Variants in SAYSD1 observed in about 807,000 individuals in gnomAD.
SAYSD1 encodes SAYSVFN motif domain containing 1, also known as SAYSvFN domain-containing protein 1.
A neutral mutation model predicts 14.5 loss-of-function variants in SAYSD1; 15 were observed. That is an observed-to-expected ratio of 1.03 (90% CI 0.69 to 1.59). The LOEUF is 1.59. Among genes scored for constraint, SAYSD1 ranks in the 40% most tolerant of loss-of-function variants. The pLI, the probability that SAYSD1 is intolerant of heterozygous loss-of-function variation, is 0.00. For synonymous variants in SAYSD1, 105 were observed against 102.6 expected, an observed-to-expected ratio of 1.02 and a Z score of -0.14; for missense variants, 247 against 227.3, an observed-to-expected ratio of 1.09 and a Z score of -0.56.
rs562214094 is a variant in SAYSD1, at chr6:39,105,688, G to A, written c.296C>T (p.Thr99Ile). ...AAGAACCTTCAAGAAGGTGATATTG[G>A]TCAGGAAAGACTGGTCCCAGCACGA... Reference protein sequence around the residue: ...LPSCWDQSFLTNITFLKVLLW... With the variant: ...LPSCWDQSFLINITFLKVLLW... Residue 99 changes from threonine to isoleucine, a missense_variant, in exon 2 of 2, where the codon ACC (threonine) becomes ATC (isoleucine). By Grantham distance (89) the Thr-to-Ile change is moderately conservative. Transcript: ENST00000229903. The A allele has an allele frequency of 6.8e-6, 11 of 1,614,190 alleles. No homozygotes were observed. In the African/African-American group the frequency reaches 1.2e-4, roughly 18 times the overall value.
At chr6:39,110,672 T>TGCAA (rs1769607977) in intron 1 of SAYSD1, 2 of 149,706 alleles carry the variant, frequency 1.3e-5, no homozygotes, top group South Asian at 4.2e-4. Context: ...TGCTATAGTT[T>TGCAA]GCAAAACACA....
rs573245547 is a variant in SAYSD1, at chr6:39,104,145, C to T, written c.*1287G>A. On this transcript the variant is annotated 3_prime_UTR_variant, in exon 2 of 2. Coordinates refer to ENST00000229903, the MANE Select transcript of SAYSD1 (RefSeq NM_018322.3). ...TTTTACATGTTCAGTTCAGACAGAA[C>T]TCATGGAAGAAAAGACTTTTCTGTG... The T allele has an allele frequency of 6.6e-6, 1 of 152,146 alleles. No homozygotes were observed. Among genetic ancestry groups the T allele is most frequent in the South Asian group, 2.1e-4 (1 of 4,818 alleles). The allele number at this position is 152,146 out of a possible 1,614,324, so 9.4% of individuals were successfully genotyped here. A position where few individuals can be genotyped will look rare whatever the true frequency, so the allele number is the denominator to read the frequency against.
chr6:39,115,031 T>C lies in SAYSD1; in HGVS notation c.59A>G (p.Gln20Arg), dbSNP rs761140869. The change falls in exon 1 of 2, where the codon CAA becomes CGA. Residue 20 changes from glutamine to arginine, a missense_variant. By Grantham distance (43) the Gln-to-Arg change is conservative. Transcript: ENST00000229903. ...AARKRAGLAA[Q>R]PPAASQGAQT... Reference sequence around the variant, plus strand: ...TGCGCCCTGACTGGCAGCAGGGGGTTGGGCCGCCAGACCCGCCCGTTTCCG... The same window carrying C: ...TGCGCCCTGACTGGCAGCAGGGGGTCGGGCCGCCAGACCCGCCCGTTTCCG... The C allele has an allele frequency of 1.2e-6, 2 of 1,612,646 alleles. No homozygotes were observed. The highest frequency in any genetic ancestry group is 2.7e-5 in the African/African-American group (2 of 74,942).
At chr6:39,114,724 GAC>G (rs1428408276) in intron 1 of SAYSD1, among the ~76,000 whole-genome samples, 157 bp downstream of exon 1, 1 of 152,248 alleles carries the variant, frequency 6.6e-6, no homozygotes. Context: ...TAACAGTGCT[GAC>G]ACGTGTGGCC....
chr6:39,108,379 G>C (rs1015133835), intron 1 of SAYSD1, among the ~76,000 whole-genome samples: 1 of 150,988 alleles, frequency 6.6e-6, no homozygotes, highest in African/African-American at 2.4e-5. Flanking sequence ...GGCCTTTATG[G>C]GGGGTGGCAG....
At chr6:39,107,705 C>G (rs951061640) in intron 1 of SAYSD1, among the ~76,000 whole-genome samples, 1 of 152,098 alleles carries the variant, frequency 6.6e-6, no homozygotes, top group African/African-American at 2.4e-5. Flanking sequence ...TGGAGAGGCC[C>G]TTATATTATC....
chr6:39,105,527 A>C lies in SAYSD1; in HGVS notation c.457T>G (p.Ser153Ala), dbSNP rs777361738. ...EKKEGEKSAY[S>A]VFNPGCEAIQ... The stretch of plus-strand genomic sequence containing the variant: ...GCTTCACAGCCTGGATTGAACACAG[A>C]GTAGGCGCTCTTCTCTCCCTCTTTC... Residue 153 changes from serine (S) to alanine (A), a missense_variant, in exon 2 of 2, where the codon TCT (serine) becomes GCT (alanine). By Grantham distance (99) the Ser-to-Ala change is moderately conservative. Transcript: ENST00000229903. 2 of 1,614,220 alleles carry C rather than the reference A, an allele frequency of 1.2e-6. No individual in the cohort carries two copies. Among genetic ancestry groups the C allele is most frequent in the Admixed American group, 1.7e-5 (1 of 60,022 alleles).
intron 1 of SAYSD1, among the ~76,000 whole-genome samples, chr6:39,106,907 C>T (rs540537233): frequency 6.6e-6 from 1 of 152,166 alleles, no homozygotes; most frequent in Non-Finnish European, 1.5e-5. Flanking sequence ...CCACTGTTTT[C>T]GGAACTCTTT....
chr6:39,114,488 T>C (rs1769693798), intron 1 of SAYSD1, among the ~76,000 whole-genome samples: 2 of 152,252 alleles, frequency 1.3e-5, no homozygotes, highest in African/African-American at 2.4e-5. Flanking sequence ...TTTTAATTAC[T>C]GCTACTTGTG....
At chr6:39,111,185 G>A (rs1299503727) in intron 1 of SAYSD1, 3 of 152,104 alleles carry the variant, frequency 2.0e-5, no homozygotes, top group Non-Finnish European at 4.4e-5. Context: ...AATGGAAAGG[G>A]AGAAGGGCCT....
At chr6:39,109,477 C>A (rs372428248) in intron 1 of SAYSD1, 2 of 1,513,232 alleles carry the variant, frequency 1.3e-6, no homozygotes, top group Non-Finnish European at 1.8e-6. Flanking sequence ...AGGCCCGGGT[C>A]GGGGCAGAGG....
intron 1 of SAYSD1, chr6:39,113,632 T>G (rs1302250185): frequency 1.3e-5 from 2 of 152,624 alleles, no homozygotes; most frequent in Non-Finnish European, 2.9e-5. Context: ...TGAATTCAGT[T>G]TCTCTGGGTC....
intron 1 of SAYSD1, chr6:39,109,589 G>A: frequency 7.2e-7 from 1 of 1,386,754 alleles, no homozygotes; most frequent in South Asian, 1.6e-5. Flanking sequence ...TATTCTTTGT[G>A]CATATACATT....
Position 39,109,469 on chromosome 6 carries a change from G to A in SAYSD1, c.208-3693C>T, listed in dbSNP as rs916056192. The A allele has an allele frequency of 2.0e-6, 3 of 1,523,784 alleles. No individual in the cohort carries two copies. In the African/African-American group the frequency reaches 4.1e-5, roughly 21 times the overall value. 94.4% of individuals were successfully genotyped at this position (1,523,784 alleles called of 1,614,324 possible). ...CAGCGGCATTGTCAGTCACAGCGAGGCCCGGGTCGGGGCAGAGGCATCATT... is the reference window on the plus strand; with the variant it reads ...CAGCGGCATTGTCAGTCACAGCGAGACCCGGGTCGGGGCAGAGGCATCATT... On this transcript the variant is annotated intron_variant, in intron 1 of 1. Coordinates refer to ENST00000229903, the MANE Select transcript of SAYSD1 (RefSeq NM_018322.3).
intron 1 of SAYSD1, among the ~76,000 whole-genome samples, chr6:39,108,022 A>G (rs1294343762): frequency 6.6e-6 from 1 of 152,222 alleles, no homozygotes; most frequent in Non-Finnish European, 1.5e-5. Context: ...GCCTAGCAAG[A>G]GAGAGCCAGA....
chr6:39,107,485 T>A (rs1039876523), intron 1 of SAYSD1, among the ~76,000 whole-genome samples: 1 of 152,228 alleles, frequency 6.6e-6, no homozygotes, highest in African/African-American at 2.4e-5. Context: ...AAACATGGCA[T>A]CCCATACTTA....
chr6:39,105,816 A>C, intron 1 of SAYSD1, 40 bp from the exon 2 acceptor site: 2 of 1,580,406 alleles, frequency 1.3e-6, no homozygotes, highest in Non-Finnish European at 1.7e-6. Context: ...ATAAAGGGTA[A>C]TGGAGCTGAG....
chr6:39,109,975 T>C (rs529696152), intron 1 of SAYSD1, among the ~76,000 whole-genome samples: 1 of 152,256 alleles, frequency 6.6e-6, no homozygotes, highest in Non-Finnish European at 1.5e-5. Context: ...TATCCCTTCA[T>C]CTGCGGATGA....
chr6:39,109,268 C>T (rs1463638305), intron 1 of SAYSD1: 2 of 1,523,118 alleles, frequency 1.3e-6, no homozygotes, highest in East Asian at 2.5e-5. Context: ...TGGGATATGG[C>T]TGGAGAGGGA....
Sources: gnomAD v4.1 joint callset for allele counts (sites outside exome capture counted in the v4.1 genomes callset) on GRCh38, gnomAD v4.1.1 for gene constraint, MANE v1.5 for transcripts, NCBI Gene and HGNC (gene_info 2026-07-23, HGNC 2026-07-21) for gene names.